ROR1: variants seen among roughly 807,000 people sequenced by gnomAD.
ROR1 encodes ROR family WNT receptor 1.
A neutral mutation model predicts 78.8 loss-of-function variants in ROR1; 19 were observed. The observed-to-expected ratio is 0.24, with a 90% confidence interval of 0.17 to 0.35. The LOEUF is 0.35. ROR1 is among the 10% of genes least tolerant of loss of function. The pLI is 1.00. For synonymous variants in ROR1, 386 were observed against 433.6 expected (o/e 0.89, Z 1.36); for missense variants, 917 against 1,177.8 (o/e 0.78, Z 3.24).
At chr1:63,999,005 C>T (rs763834821) in intron 1 of ROR1, among the ~76,000 whole-genome samples, 7 of 152,320 alleles carry the variant, frequency 4.6e-5, no homozygotes, top group African/African-American at 7.2e-5. Flanking sequence ...AAGTACCTTT[C>T]GCCTTCCTCC....
In ROR1 at chr1:63,866,223, C is replaced by T. The variant is rs79534054; in HGVS notation, c.91+91715C>T. ...CTAGATCTGACAGAGAAATTCTTCA[C>T]GTCTGGCCTGGATGTCTAAGTAAAT... On this transcript the variant is annotated intron_variant, in intron 1 of 8. Transcript: ENST00000371079. 2.6e-3 allele frequency among the ~76,000 whole-genome samples: 400 copies of T among 152,098 alleles called. 1 individual carries two copies. Among genetic ancestry groups the T allele is most frequent in the African/African-American group, 8.8e-3 (366 of 41,474 alleles).
chr1:63,815,474 T>C lies in ROR1; in HGVS notation c.91+40966T>C, dbSNP rs528483088. On this transcript the variant is annotated intron_variant, in intron 1 of 8. Transcript: ENST00000371079. ...TTTTTTTTCTTTTTCTTTTCTTTTC[T>C]TTTCTTTTTCTTTTTTTTTTTTTTT... 3.2e-4 allele frequency among the ~76,000 whole-genome samples: 41 copies of C among 128,342 alleles called. No homozygotes were observed. The South Asian group carries it at 7.9e-3, about 25-fold the overall frequency. 84.2% of individuals were successfully genotyped at this position (128,342 alleles called of 152,430 possible). A position where few individuals can be genotyped will look rare whatever the true frequency, so the allele number is the denominator to read the frequency against.
At chr1:63,785,849 T>C (rs2100227955) in intron 1 of ROR1, among the ~76,000 whole-genome samples, 1 of 152,288 alleles carries the variant, frequency 6.6e-6, no homozygotes, top group South Asian at 2.1e-4. Context: ...TTTTCGATGA[T>C]GTTCTTAATC....
chr1:63,800,188 C>T lies in ROR1; in HGVS notation c.91+25680C>T, dbSNP rs141699499. Among the ~76,000 whole-genome samples, 814 of 152,194 alleles carry T rather than the reference C, an allele frequency of 5.3e-3. 11 individuals are homozygous for T. Among genetic ancestry groups the T allele is most frequent in the Middle Eastern group, 0.01 (3 of 294 alleles). On this transcript the variant is annotated intron_variant, in intron 1 of 8. Transcript: ENST00000371079. ...GTCCATTTTTGCTTTAATGTTTCTC[C>T]GCATGGATGTTGAAAATGTGAATGA...
At position 63,774,840 on chromosome 1, in the gene ROR1, C is replaced by A. The variant is rs182566627; in HGVS notation, c.91+332C>A. On this transcript the variant is annotated intron_variant, in intron 1 of 8. Coordinates refer to ENST00000371079, the MANE Select transcript of ROR1 (RefSeq NM_005012.4). This position sits in a 1 kb window ranked among gnomAD's most constrained non-coding sequence, Gnocchi z 5.7. ...GGGCACTTCTGTGCAGGGCGTCCCCCCTTGTCTCCCTGGACCTCTAGCGCG... is the reference window on the plus strand; with the variant it reads ...GGGCACTTCTGTGCAGGGCGTCCCCACTTGTCTCCCTGGACCTCTAGCGCG... Among the ~76,000 whole-genome samples, 975 of 152,198 alleles carry A rather than the reference C, an allele frequency of 6.4e-3. 1 individual carries two copies. The highest frequency in any genetic ancestry group is 0.01 in the Non-Finnish European group (696 of 67,986).
intron 4 of ROR1, among the ~76,000 whole-genome samples, chr1:64,090,442 T>C (rs1647186577): frequency 6.6e-6 from 1 of 152,194 alleles, no homozygotes; most frequent in African/African-American, 2.4e-5. Context: ...AAAAAAACTC[T>C]TTGATGCTCT....
chr1:64,001,980 T>C (rs945889323), intron 1 of ROR1, among the ~76,000 whole-genome samples: 1 of 152,172 alleles, frequency 6.6e-6, no homozygotes, highest in African/African-American at 2.4e-5. Flanking sequence ...AGTCTCGTTG[T>C]GGTGGGGGTG....
At chr1:64,164,653 A>G (rs779307046) in intron 8 of ROR1, among the ~76,000 whole-genome samples, 8 of 152,096 alleles carry the variant, frequency 5.3e-5, no homozygotes, top group Admixed American at 1.3e-4. Flanking sequence ...TTATGTAGGT[A>G]AACTTGTGTC....
At chr1:64,061,298 C>T (rs1272981330) in intron 4 of ROR1, among the ~76,000 whole-genome samples, 4 of 152,084 alleles carry the variant, frequency 2.6e-5, no homozygotes, top group African/African-American at 7.2e-5. Flanking sequence ...AAATGGGTGT[C>T]GGGAACAAAA....
chr1:64,133,656 G>A (rs544002049), intron 4 of ROR1, among the ~76,000 whole-genome samples: 2 of 152,332 alleles, frequency 1.3e-5, no homozygotes, highest in South Asian at 2.1e-4. Context: ...AGGCAGCGGC[G>A]CACGCTGGTG....
At chr1:63,784,527 T>C (rs1644671990) in intron 1 of ROR1, among the ~76,000 whole-genome samples, 2 of 152,240 alleles carry the variant, frequency 1.3e-5, no homozygotes, top group South Asian at 4.1e-4. Flanking sequence ...TTCTGTAACC[T>C]GGGAAAATTT....
chr1:63,855,246 T>C lies in ROR1; in HGVS notation c.91+80738T>C, dbSNP rs550450065. Among the ~76,000 whole-genome samples the C allele has an allele frequency of 2.0e-5, 3 of 152,366 alleles. No individual in the cohort carries two copies. The South Asian group carries it at 6.2e-4, about 32-fold the overall frequency. On this transcript the variant is annotated intron_variant, in intron 1 of 8. Transcript: ENST00000371079. ...TGTGTACTATGTGTTTGGTAATTAA[T>C]TATGTACTGACTCATGACATTTGTT...
In ROR1 at chr1:64,159,138, ACACGT is replaced by A; in HGVS notation, c.1335_1339del (p.His445GlnfsTer14). The A allele has an allele frequency of 6.2e-7, 1 of 1,614,126 alleles. No homozygotes were observed. The highest frequency in any genetic ancestry group is 8.5e-7 in the Non-Finnish European group (1 of 1,180,004). The stretch of plus-strand genomic sequence containing the variant: ...CGGCACCAGTCCAGAGGCAACCAAA[ACACGT>A]CAGAGGTCAAAATGTAGAGATGTCA... On this transcript the variant is annotated frameshift_variant, in exon 8 of 9. Coordinates refer to ENST00000371079, the MANE Select transcript of ROR1 (RefSeq NM_005012.4). LOFTEE classifies it high-confidence loss of function.
chr1:63,963,554 G>A (rs1399146401), intron 1 of ROR1, among the ~76,000 whole-genome samples: 4 of 148,006 alleles, frequency 2.7e-5, no homozygotes, highest in African/African-American at 7.6e-5. Flanking sequence ...GGGTGACAGA[G>A]CAAGACTCTG....
chr1:64,156,228 A>G (rs771991559), intron 7 of ROR1, among the ~76,000 whole-genome samples: 12 of 152,208 alleles, frequency 7.9e-5, no homozygotes, highest in Non-Finnish European at 1.3e-4. Flanking sequence ...TGGAGTGGCA[A>G]AGGGCCTACT....
At chr1:63,897,892 T>A (rs1383812596) in intron 1 of ROR1, among the ~76,000 whole-genome samples, 1 of 152,214 alleles carries the variant, frequency 6.6e-6, no homozygotes, top group Non-Finnish European at 1.5e-5. Flanking sequence ...ATACAGTCAT[T>A]CAGGGACCCA....
rs71056018 is a variant in ROR1 at position 64,051,457 on chromosome 1, AAAAAT to A, written c.482+781_482+785del. On this transcript the variant is annotated intron_variant, in intron 4 of 8. Coordinates refer to ENST00000371079, the MANE Select transcript of ROR1 (RefSeq NM_005012.4). Reference sequence around the variant, plus strand: ...AGAGTGAGACTCCGTCTCAAAAATAAAAAATAAAATAAAATAAAATAAAATAAAAT... The same window carrying A: ...AGAGTGAGACTCCGTCTCAAAAATAAAAAATAAAATAAAATAAAATAAAAT... Among the ~76,000 whole-genome samples, 598 of 76,714 alleles carry A rather than the reference AAAAAT, an allele frequency of 7.8e-3. 12 individuals are homozygous for A. Among genetic ancestry groups the A allele is most frequent in the African/African-American group, 0.017 (543 of 32,638 alleles). 50.3% of individuals were successfully genotyped at this position (76,714 alleles called of 152,430 possible).
chr1:63,801,997 G>GC (rs1031929374), intron 1 of ROR1, among the ~76,000 whole-genome samples: 2 of 152,192 alleles, frequency 1.3e-5, no homozygotes, highest in African/African-American at 2.4e-5. Flanking sequence ...TACGTATAAT[G>GC]CCCCCCCATG....
At chr1:63,971,464 G>A (rs1419111722) in intron 1 of ROR1, among the ~76,000 whole-genome samples, 2 of 152,126 alleles carry the variant, frequency 1.3e-5, no homozygotes, top group Admixed American at 1.3e-4. Flanking sequence ...TGGTCTTAGA[G>A]TGCTTTGATT....
Sources: allele counts gnomAD v4.1 joint callset (sites outside exome capture counted in the v4.1 genomes callset), GRCh38; gene constraint gnomAD v4.1.1; non-coding constraint Gnocchi (gnomAD v3.1); transcripts MANE v1.5; gene names NCBI Gene and HGNC (gene_info 2026-07-23, HGNC 2026-07-21).